The following TRIO variants were observed in gnomAD, a reference collection of about 807,000 sequenced individuals.
TRIO encodes trio Rho guanine nucleotide exchange factor, also known as triple functional domain protein.
Under a neutral mutation model 351.9 loss-of-function variants are expected in TRIO, and 58 were observed. That is an observed-to-expected ratio of 0.16 (90% CI 0.13 to 0.21). The LOEUF is 0.21. Ranked by LOEUF, TRIO falls within the 10% of genes least tolerant of loss-of-function variation. TRIO has a pLI of 1.00. For missense variants in TRIO, 3,201 were observed against 4,027.8 expected, an observed-to-expected ratio of 0.79 and a Z score of 5.56; for synonymous variants, 1,758 against 1,595.7, an observed-to-expected ratio of 1.10 and a Z score of -2.42.
In TRIO at chr5:14,482,563, C is replaced by A; in HGVS notation, c.6466-19C>A. On this transcript the variant is annotated intron_variant, in intron 45 of 56. Transcript: ENST00000344204. ...GTTTTCTTCTCCCCTTCCTTTTCCC[C>A]CTTTATTTCTTGTTTTAGGGGAAAA... is the stretch of plus-strand genomic sequence containing the variant. 7.0e-7 allele frequency: 1 copy of A among 1,424,992 alleles called. No individual in the cohort carries two copies. The highest frequency in any genetic ancestry group is 9.3e-7 in the Non-Finnish European group (1 of 1,077,612). The allele number at this position is 1,424,992 out of a possible 1,614,324, so 88.3% of individuals were successfully genotyped here.
At chr5:14,227,297 T>C (rs2152216509) in intron 1 of TRIO, among the ~76,000 whole-genome samples, 1 of 152,312 alleles carries the variant, frequency 6.6e-6, no homozygotes, top group East Asian at 1.9e-4. Flanking sequence ...TGAGGATATT[T>C]TCTATCAGTC....
intron 37 of TRIO, among the ~76,000 whole-genome samples, chr5:14,469,465 G>A (rs928151060): frequency 2.0e-5 from 3 of 152,184 alleles, no homozygotes; most frequent in Admixed American, 1.3e-4. Context: ...CTCATAAGAG[G>A]TAGAATATTT....
rs935979101 is a variant in TRIO, at chr5:14,290,091, C to T, written c.541-625C>T. Among the ~76,000 whole-genome samples, 44 of 152,268 alleles carry T rather than the reference C, an allele frequency of 2.9e-4. No individual in the cohort carries two copies. In the Middle Eastern group the frequency reaches 0.01, roughly 35 times the overall value. On this transcript the variant is annotated intron_variant, in intron 4 of 56. Coordinates refer to ENST00000344204, the MANE Select transcript of TRIO (RefSeq NM_007118.4). Reference sequence around the variant, plus strand: ...TAAATTTTTATAAATTCATTCATATCCCATCATCTGTTATTTGATGGGCAG... The same window carrying T: ...TAAATTTTTATAAATTCATTCATATTCCATCATCTGTTATTTGATGGGCAG...
chr5:14,276,421 C>T (rs1396992794), intron 2 of TRIO, among the ~76,000 whole-genome samples: 1 of 152,218 alleles, frequency 6.6e-6, no homozygotes, highest in Non-Finnish European at 1.5e-5. Context: ...GCAGGGCTGG[C>T]GAGGTGCTCG....
chr5:14,362,690 G>A (rs1247094560), intron 13 of TRIO, among the ~76,000 whole-genome samples: 1 of 152,156 alleles, frequency 6.6e-6, no homozygotes, highest in Admixed American at 6.5e-5. Context: ...GTCTTTGCGA[G>A]GTGGTGCATC....
intron 34 of TRIO, among the ~76,000 whole-genome samples, chr5:14,433,802 G>A (rs1377485540): frequency 6.6e-6 from 1 of 152,092 alleles, no homozygotes; most frequent in Non-Finnish European, 1.5e-5. Flanking sequence ...TTCAGCTAAT[G>A]TTGTTTTATA....
chr5:14,472,545 T>A, intron 38 of TRIO, 47 bp from the exon 39 acceptor site: 1 of 1,606,126 alleles, frequency 6.2e-7, no homozygotes, highest in Non-Finnish European at 8.5e-7. Flanking sequence ...ACAAAAAAAT[T>A]CATTTAGAAA....
chr5:14,181,089 A>ATT (rs35461923), intron 1 of TRIO, among the ~76,000 whole-genome samples: 5,691 of 149,048 alleles, frequency 0.038, 374 homozygotes, highest in African/African-American at 0.13. Flanking sequence ...ACTACAATGT[A>ATT]TTTTTTTTTG....
chr5:14,486,727 C>A (rs1217610147), intron 47 of TRIO, among the ~76,000 whole-genome samples: 1 of 152,116 alleles, frequency 6.6e-6, no homozygotes, highest in Non-Finnish European at 1.5e-5. Flanking sequence ...CGCTCATGGG[C>A]TGGGAGCTTG....
chr5:14,160,870 A>G (rs865821959), intron 1 of TRIO, among the ~76,000 whole-genome samples: 2 of 152,174 alleles, frequency 1.3e-5, no homozygotes, highest in South Asian at 2.1e-4. Flanking sequence ...ATGGTCTAGG[A>G]TGGCACTTTG....
intron 6 of TRIO, among the ~76,000 whole-genome samples, chr5:14,293,411 C>T (rs1737072566): frequency 6.6e-6 from 1 of 152,218 alleles, no homozygotes; most frequent in Non-Finnish European, 1.5e-5. Context: ...GATGCTGGCT[C>T]CTGTGCTGCA....
chr5:14,409,036 C>G (rs901789373), intron 33 of TRIO, among the ~76,000 whole-genome samples: 11 of 152,190 alleles, frequency 7.2e-5, no homozygotes, highest in Non-Finnish European at 1.0e-4. Flanking sequence ...GAAATGACCC[C>G]TCTATCCAGG....
chr5:14,490,460 G>A (rs564283601), intron 48 of TRIO, among the ~76,000 whole-genome samples: 1 of 152,372 alleles, frequency 6.6e-6, no homozygotes, highest in African/African-American at 2.4e-5. Flanking sequence ...GACAGCAGGA[G>A]TGACATGGAT....
intron 23 of TRIO, 74 bp from the exon 24 acceptor site, chr5:14,388,539 C>T: frequency 1.4e-6 from 2 of 1,419,228 alleles, no homozygotes; most frequent in Admixed American, 4.0e-5. Context: ...TCTGTTATTT[C>T]ATAAATCCAT....
chr5:14,367,070 CA>C, intron 16 of TRIO, 91 bp downstream of exon 16: 1 of 1,554,662 alleles, frequency 6.4e-7, no homozygotes, highest in Non-Finnish European at 8.7e-7. Context: ...CCATGGGAAC[CA>C]CATGGGGCTG....
At chr5:14,470,284 G>A (rs952310879) in intron 37 of TRIO, among the ~76,000 whole-genome samples, 2 of 148,434 alleles carry the variant, frequency 1.3e-5, no homozygotes, top group Non-Finnish European at 2.9e-5. Flanking sequence ...CTGTTAAGAG[G>A]AGAAAATAGA....
intron 21 of TRIO, among the ~76,000 whole-genome samples, chr5:14,385,156 C>T (rs1579497234): frequency 1.3e-5 from 2 of 152,204 alleles, no homozygotes; most frequent in Non-Finnish European, 1.5e-5. Context: ...TCAGAGGCCT[C>T]CGGTGGCATC....
intron 21 of TRIO, among the ~76,000 whole-genome samples, chr5:14,381,640 C>T (rs1450145577): frequency 1.3e-5 from 2 of 152,200 alleles, no homozygotes; most frequent in Non-Finnish European, 2.9e-5. Flanking sequence ...TTCTTTCCTA[C>T]ACCTGGGGGT....
At chr5:14,413,231 G>T (rs1003846092) in intron 33 of TRIO, among the ~76,000 whole-genome samples, 7 of 152,214 alleles carry the variant, frequency 4.6e-5, no homozygotes, top group Admixed American at 2.0e-4. Flanking sequence ...TTTTACTTCA[G>T]TGCCTGGCCT....
Sources: allele counts gnomAD v4.1 joint callset (sites outside exome capture counted in the v4.1 genomes callset), GRCh38; gene constraint gnomAD v4.1.1; transcripts MANE v1.5; gene names NCBI Gene and HGNC (gene_info 2026-07-23, HGNC 2026-07-21).